ARHGAP22: variants seen among roughly 807,000 people sequenced by gnomAD.
ARHGAP22 encodes the protein Rho GTPase activating protein 22.
A neutral mutation model predicts 59.1 loss-of-function variants in ARHGAP22; 48 were observed. The ratio of observed to expected loss-of-function variants is 0.81; its 90% CI spans 0.64 to 1.03. ARHGAP22 has a LOEUF of 1.03. Ranked by LOEUF, ARHGAP22 falls within the 50% of genes least tolerant of loss-of-function variation. The pLI is 0.00. For synonymous variants in ARHGAP22, 445 were observed against 416.4 expected (o/e 1.07, Z -0.84); for missense variants, 1,015 against 958.7 (o/e 1.06, Z -0.78).
At chr10:48,570,205 G>A (rs1380187838) in intron 2 of ARHGAP22, among the ~76,000 whole-genome samples, 1 of 152,040 alleles carries the variant, frequency 6.6e-6, no homozygotes, top group African/African-American at 2.4e-5. Context: ...GGGGAATTAT[G>A]GTTCTAAAAT....
In ARHGAP22 at chr10:48,453,290, C is replaced by T. The variant is rs1212865763; in HGVS notation, c.988+14G>A. ...CGGCAGCACCCAGGGCCACCAGGTA[C>T]ACCTCCCACTTACCTTCCATGATGG... On this transcript the variant is annotated intron_variant, in intron 8 of 9. Transcript: ENST00000249601. The T allele has an allele frequency of 1.9e-6, 3 of 1,613,084 alleles. No homozygotes were observed. The highest frequency in any genetic ancestry group is 2.2e-5 in the South Asian group (2 of 91,070).
At chr10:48,466,777 C>T (rs1324556465) in intron 4 of ARHGAP22, 2 of 151,832 alleles carry the variant, frequency 1.3e-5, no homozygotes, top group Admixed American at 1.3e-4. Context: ...CGCCCCAGGC[C>T]CGGACCCTGA....
intron 4 of ARHGAP22, among the ~76,000 whole-genome samples, chr10:48,471,965 T>C (rs1300777077): frequency 6.6e-6 from 1 of 152,074 alleles, no homozygotes; most frequent in African/African-American, 2.4e-5. Context: ...TCCCAGCACT[T>C]TGGGAGGCCG....
intron 4 of ARHGAP22, among the ~76,000 whole-genome samples, chr10:48,462,860 GC>G (rs1050747104): frequency 8.5e-5 from 13 of 152,198 alleles, no homozygotes; most frequent in Non-Finnish European, 1.5e-5. Context: ...AGGCTCCAGG[GC>G]CCACCACTGA....
At chr10:48,638,444 G>T (rs578178342) in intron 1 of ARHGAP22, among the ~76,000 whole-genome samples, 1 of 152,084 alleles carries the variant, frequency 6.6e-6, no homozygotes, top group African/African-American at 2.4e-5. Flanking sequence ...AAGGGCCCTG[G>T]CTTCTGCAGG....
intron 1 of ARHGAP22, among the ~76,000 whole-genome samples, chr10:48,586,595 T>C (rs1056145712): frequency 2.0e-5 from 3 of 152,222 alleles, no homozygotes; most frequent in African/African-American, 7.2e-5. Context: ...GAGATGGCAT[T>C]TGGCTGTATT....
chr10:48,458,643 C>T (rs11101332), intron 5 of ARHGAP22, among the ~76,000 whole-genome samples: 24,943 of 152,110 alleles, frequency 0.16, 2,678 homozygotes, highest in East Asian at 0.61. Flanking sequence ...GGCTCCCAGG[C>T]CTTACCCAGG....
the ARHGAP22 span, chr10:48,436,310 A>G: frequency 6.6e-6 from 1 of 152,314 alleles, no homozygotes; most frequent in South Asian, 2.1e-4. Context: ...GTGGATGTCG[A>G]GTAGTGTTAA....
chr10:48,511,793 T>C (rs2134555371), intron 3 of ARHGAP22, among the ~76,000 whole-genome samples: 1 of 152,358 alleles, frequency 6.6e-6, no homozygotes, highest in South Asian at 2.1e-4. Flanking sequence ...TGGTCCTGAA[T>C]GGCCCTGGCC....
chr10:48,461,413 G>A (rs1473001182), intron 4 of ARHGAP22, among the ~76,000 whole-genome samples: 2 of 152,096 alleles, frequency 1.3e-5, no homozygotes, highest in African/African-American at 2.4e-5. Flanking sequence ...TCACTGAACT[G>A]TACACTTATG....
upstream of ARHGAP22, among the ~76,000 whole-genome samples, chr10:48,654,881 T>C (rs1034593722): frequency 2.7e-5 from 4 of 146,712 alleles, no homozygotes; most frequent in African/African-American, 1.0e-4. Context: ...CTTTCTTTCT[T>C]TCTCTTTCTT....
At chr10:48,442,526 T>C (rs1324705674), downstream of ARHGAP22, among the ~76,000 whole-genome samples, 1 of 152,114 alleles carries the variant, frequency 6.6e-6, no homozygotes, top group Non-Finnish European at 1.5e-5. Context: ...GGAAAAGATA[T>C]TCTAGAACCT....
chr10:48,629,710 A>G (rs1238187462), intron 1 of ARHGAP22, among the ~76,000 whole-genome samples: 1 of 152,218 alleles, frequency 6.6e-6, no homozygotes, highest in Non-Finnish European at 1.5e-5. Context: ...AAATTTTAGA[A>G]TCAGTGTGCC....
At chr10:48,500,890 C>CA (rs60056604) in intron 3 of ARHGAP22, among the ~76,000 whole-genome samples, 184 of 86,400 alleles carry the variant, frequency 2.1e-3, no homozygotes, top group South Asian at 4.1e-3. Flanking sequence ...GACTCCGCCT[C>CA]AAAAAAAAAA....
chr10:48,528,502 G>C (rs138364324), intron 3 of ARHGAP22, among the ~76,000 whole-genome samples: 2 of 152,200 alleles, frequency 1.3e-5, no homozygotes, highest in African/African-American at 2.4e-5. Flanking sequence ...CCAGTCTGCC[G>C]AGGGTGGTAA....
chr10:48,495,667 A>T (rs1038126166), intron 3 of ARHGAP22, among the ~76,000 whole-genome samples: 7 of 152,208 alleles, frequency 4.6e-5, no homozygotes, highest in Non-Finnish European at 8.8e-5. Context: ...CTCTTGTGTA[A>T]TTACTCCTCG....
At chr10:48,558,462 C>T (rs2057464628) in intron 2 of ARHGAP22, among the ~76,000 whole-genome samples, 1 of 151,950 alleles carries the variant, frequency 6.6e-6, no homozygotes, top group African/African-American at 2.4e-5. Context: ...TACCGGGCTC[C>T]AGTGAGCCTC....
At chr10:48,599,563 T>C (rs1376567098) in intron 1 of ARHGAP22, among the ~76,000 whole-genome samples, 2 of 152,194 alleles carry the variant, frequency 1.3e-5, no homozygotes, top group East Asian at 1.9e-4. Context: ...TGAAGTAAAA[T>C]AGCAGCCAAA....
chr10:48,571,433 T>C (rs1460664157), intron 2 of ARHGAP22, among the ~76,000 whole-genome samples: 1 of 152,208 alleles, frequency 6.6e-6, no homozygotes, highest in Admixed American at 6.5e-5. Flanking sequence ...GCTGCCCTGT[T>C]CTTGAAAATA....
Sources: allele counts gnomAD v4.1 joint callset (sites outside exome capture counted in the v4.1 genomes callset), GRCh38; gene constraint gnomAD v4.1.1; transcripts MANE v1.5; gene names NCBI Gene and HGNC (gene_info 2026-07-23, HGNC 2026-07-21).